The following TXNDC12 variants were observed in gnomAD, a reference collection of about 807,000 sequenced individuals.
TXNDC12 encodes the protein thioredoxin domain-containing protein 12.
In TXNDC12, 22 loss-of-function variants were observed where a neutral mutation model predicts 24.2. The observed-to-expected ratio is 0.91, with a 90% CI of 0.65 to 1.30. The LOEUF is 1.30. TXNDC12 is among the 50% of genes most tolerant of loss of function. TXNDC12 has a pLI of 0.00. For missense variants in TXNDC12, 184 were observed against 205.8 expected (o/e 0.89, Z 0.65); for synonymous variants, 58 against 73.4 (o/e 0.79, Z 1.07).
chr1:52,053,349 T>C (rs1214209187), intron 1 of TXNDC12, among the ~76,000 whole-genome samples: 1 of 151,816 alleles, frequency 6.6e-6, no homozygotes, highest in Non-Finnish European at 1.5e-5. Context: ...CTTCTGTTAC[T>C]CTCAGTACTT....
chr1:52,052,765 T>C (rs1686240563), intron 1 of TXNDC12: 1 of 152,190 alleles, frequency 6.6e-6, no homozygotes, highest in Non-Finnish European at 1.5e-5. Context: ...TAACAAGGAA[T>C]AAAAATACAA....
At chr1:52,039,162 A>G (rs915596927) in intron 2 of TXNDC12, among the ~76,000 whole-genome samples, 5 of 150,490 alleles carry the variant, frequency 3.3e-5, no homozygotes, top group African/African-American at 1.2e-4. Context: ...CTCAGTCTAC[A>G]GTACATATCA....
chr1:52,039,477 G>A lies in TXNDC12; in HGVS notation c.158+2060C>T, dbSNP rs141757155. On this transcript the variant is annotated intron_variant, in intron 2 of 6. Coordinates refer to ENST00000371626, the MANE Select transcript of TXNDC12 (RefSeq NM_015913.4). ...CAAGTAGCTGGGATTACAGGCATGC[G>A]CCCACCATGCCCAGCTAAGTTTTTT... Among the ~76,000 whole-genome samples, 611 of 151,992 alleles carry A rather than the reference G, an allele frequency of 4.0e-3. 14 individuals are homozygous for A. The East Asian group carries it at 0.054, about 13-fold the overall frequency.
At chr1:52,036,486 T>C (rs1322353194) in intron 2 of TXNDC12, among the ~76,000 whole-genome samples, 1 of 152,100 alleles carries the variant, frequency 6.6e-6, no homozygotes, top group African/African-American at 2.4e-5. Flanking sequence ...GGTCTTGCTG[T>C]CTCAGGATGG....
chr1:52,035,385 C>G (rs1416980570), intron 2 of TXNDC12, among the ~76,000 whole-genome samples: 1 of 152,118 alleles, frequency 6.6e-6, no homozygotes, highest in Non-Finnish European at 1.5e-5. Context: ...CACAGGTTTA[C>G]CAATCTGTAG....
chr1:52,020,514 T>C lies in TXNDC12; in HGVS notation c.*419A>G, dbSNP rs996413256. Reference sequence around the variant, plus strand: ...TATTGTTGTTGTTGTTGTTTTTTAATGATAAGCTACTTCTGCAATTTTAAC... The same window carrying C: ...TATTGTTGTTGTTGTTGTTTTTTAACGATAAGCTACTTCTGCAATTTTAAC... On this transcript the variant is annotated 3_prime_UTR_variant, in exon 7 of 7. Coordinates refer to ENST00000371626, the MANE Select transcript of TXNDC12 (RefSeq NM_015913.4). The C allele has an allele frequency of 4.2e-6, 1 of 239,006 alleles. No homozygotes were observed. The highest frequency in any genetic ancestry group is 2.2e-5 in the African/African-American group (1 of 44,606). The allele number at this position is 239,006 out of a possible 1,614,324, so 14.8% of individuals were successfully genotyped here.
At chr1:52,022,612 G>A (rs1028653011) in intron 6 of TXNDC12, among the ~76,000 whole-genome samples, 3 of 144,170 alleles carry the variant, frequency 2.1e-5, no homozygotes, top group African/African-American at 5.1e-5. Context: ...TTCTAGGTCC[G>A]TTTACGTTTC....
chr1:52,021,116 ACAAGATCTGGACT>A, intron 6 of TXNDC12, 104 bp from the exon 7 acceptor site: 2 of 850,970 alleles, frequency 2.4e-6, no homozygotes, highest in South Asian at 3.0e-5. Context: ...TGAGAGGAGT[ACAAGATCTGGACT>A]CAAGATCTAG....
At position 52,037,937 on chromosome 1, in the gene TXNDC12, T is replaced by C. The variant is rs147798004; in HGVS notation, c.158+3600A>G. Among the ~76,000 whole-genome samples, 613 of 152,196 alleles carry C rather than the reference T, an allele frequency of 4.0e-3. 1 individual carries two copies. The highest frequency in any genetic ancestry group is 0.014 in the African/African-American group (581 of 41,516). ...CTCTTCCTATTTTTTTTTTTCCTTT[T>C]TAAAAACTGAAATAGGGTCTTATTC... On this transcript the variant is annotated intron_variant, in intron 2 of 6. Coordinates refer to ENST00000371626, the MANE Select transcript of TXNDC12 (RefSeq NM_015913.4).
upstream of TXNDC12, chr1:52,055,527 A>T (rs997654393): frequency 5.0e-6 from 1 of 200,172 alleles, no homozygotes; most frequent in Non-Finnish European, 1.0e-5. Flanking sequence ...TCGTGAGGTC[A>T]GTCGCTCCCA....
At chr1:52,033,867 T>C in intron 2 of TXNDC12, 2 of 1,444,296 alleles carry the variant, frequency 1.4e-6, no homozygotes, top group Non-Finnish European at 1.8e-6. Flanking sequence ...CTCCCTTGAC[T>C]TTTACAGACC....
In TXNDC12 at chr1:52,020,423, G is replaced by A; in HGVS notation, c.*510C>T. On this transcript the variant is annotated 3_prime_UTR_variant, in exon 7 of 7. Coordinates refer to ENST00000371626, the MANE Select transcript of TXNDC12 (RefSeq NM_015913.4). The stretch of plus-strand genomic sequence containing the variant: ...CCACAATTATTCCCAGGAGAAAAAA[G>A]GGAAAAAACAGGCTGATATCCTTGG... 7.7e-6 allele frequency: 2 copies of A among 260,044 alleles called. No individual in the cohort carries two copies. Among genetic ancestry groups the A allele is most frequent in the Non-Finnish European group, 7.6e-6 (1 of 131,112 alleles). The allele number at this position is 260,044 out of a possible 1,614,324, so 16.1% of individuals were successfully genotyped here.
At chr1:52,035,524 T>A (rs971147496) in intron 2 of TXNDC12, among the ~76,000 whole-genome samples, 2 of 152,046 alleles carry the variant, frequency 1.3e-5, no homozygotes, top group Non-Finnish European at 2.9e-5. Flanking sequence ...CTGGCCAACA[T>A]GGTGAAACCC....
chr1:52,027,434 T>C, intron 3 of TXNDC12, 86 bp from the exon 4 acceptor site: 1 of 1,077,302 alleles, frequency 9.3e-7, no homozygotes, highest in Non-Finnish European at 1.4e-6. Context: ...CTATTTCTCT[T>C]TGGTAGTTTA....
At position 52,020,766 on chromosome 1, in the gene TXNDC12, C is replaced by G. The variant is rs1685584488; in HGVS notation, c.*167G>C. On this transcript the variant is annotated 3_prime_UTR_variant, in exon 7 of 7. Coordinates refer to ENST00000371626, the MANE Select transcript of TXNDC12 (RefSeq NM_015913.4). Reference sequence around the variant, plus strand: ...CCGCTGGATCCACAAACATGCAGACCAGCTTCTGTTAGCAGAACTCTTCCA... The same window carrying G: ...CCGCTGGATCCACAAACATGCAGACGAGCTTCTGTTAGCAGAACTCTTCCA... The G allele has an allele frequency of 1.8e-6, 1 of 569,318 alleles. No homozygotes were observed. Among genetic ancestry groups the G allele is most frequent in the Non-Finnish European group, 3.1e-6 (1 of 323,816 alleles). 35.3% of individuals were successfully genotyped at this position (569,318 alleles called of 1,614,324 possible). A position where few individuals can be genotyped will look rare whatever the true frequency, so the allele number is the denominator to read the frequency against.
chr1:52,033,919 C>T (rs1164491238), intron 2 of TXNDC12: 3 of 1,430,224 alleles, frequency 2.1e-6, no homozygotes, highest in East Asian at 2.5e-5. Context: ...CCAGCTAGGC[C>T]CAGGTTCAGC....
At chr1:52,022,791 C>T (rs1056736701) in intron 6 of TXNDC12, among the ~76,000 whole-genome samples, 2 of 151,806 alleles carry the variant, frequency 1.3e-5, no homozygotes, top group African/African-American at 2.4e-5. Flanking sequence ...CAGGCACCTG[C>T]CACCACGCCA....
rs182278578 is a variant in TXNDC12 at position 52,040,476 on chromosome 1, C to T, written c.158+1061G>A. 1.1e-3 allele frequency among the ~76,000 whole-genome samples: 172 copies of T among 152,286 alleles called. 1 individual carries two copies. Among genetic ancestry groups the T allele is most frequent in the African/African-American group, 4.0e-3 (168 of 41,550 alleles). On this transcript the variant is annotated intron_variant, in intron 2 of 6. Transcript: ENST00000371626. Reference sequence around the variant, plus strand: ...TGCTGGGATTACAGGCATGAGCCACCGCACCCAGCCAGTGTGCAGAAGTTT... The same window carrying T: ...TGCTGGGATTACAGGCATGAGCCACTGCACCCAGCCAGTGTGCAGAAGTTT...
intron 2 of TXNDC12, among the ~76,000 whole-genome samples, chr1:52,030,092 G>A (rs891642105): frequency 1.3e-5 from 2 of 152,020 alleles, no homozygotes; most frequent in Non-Finnish European, 2.9e-5. Flanking sequence ...GTTCTAGGCC[G>A]GGCACAGTGG....
Sources: allele counts gnomAD v4.1 joint callset (sites outside exome capture counted in the v4.1 genomes callset), GRCh38; gene constraint gnomAD v4.1.1; transcripts MANE v1.5; gene names NCBI Gene and HGNC (gene_info 2026-07-23, HGNC 2026-07-21).